Variants in ROPN1 observed in about 807,000 individuals in gnomAD.
The protein encoded by ROPN1 is rhophilin associated tail protein 1.
A neutral mutation model predicts 20.5 loss-of-function variants in ROPN1; 14 were observed. The observed-to-expected ratio is 0.68, with a 90% CI of 0.45 to 1.07. The LOEUF is 1.07. ROPN1 is among the 50% of genes least tolerant of loss of function. The pLI, the probability that ROPN1 is intolerant of heterozygous loss-of-function variation, is 0.00. For synonymous variants in ROPN1, 76 were observed against 95.7 expected (o/e 0.79, Z 1.20); for missense variants, 169 against 242.8 (o/e 0.70, Z 2.02).
intron 2 of ROPN1, chr3:123,979,915 C>G (rs959160585): frequency 2.8e-6 from 1 of 355,106 alleles, no homozygotes; most frequent in African/African-American, 2.1e-5. Flanking sequence ...TGGTCCCACC[C>G]CATCCACCCA....
In ROPN1 at chr3:123,980,475, G is replaced by A; in HGVS notation, c.7C>T (p.Gln3Ter). The A allele has an allele frequency of 6.2e-7, 1 of 1,614,104 alleles. No homozygotes were observed. Reference sequence around the variant, plus strand: ...GGGATGCATGTTGGCTTATCTGTCTGAGCCATTGATTGGTTGGCCTATTCT... The same window carrying A: ...GGGATGCATGTTGGCTTATCTGTCTAAGCCATTGATTGGTTGGCCTATTCT... MA[Q>*]TDKPTCIPPE... is the part of the protein sequence containing the mutation. Residue 3 changes from glutamine (Q) to a stop codon, truncating the protein, a stop_gained, in exon 2 of 6, where the codon CAG (glutamine) becomes TAG (stop). Transcript: ENST00000405845. LOFTEE classifies it high-confidence loss of function.
chr3:123,988,901 T>C (rs1577378177), intron 1 of ROPN1, among the ~76,000 whole-genome samples: 3 of 151,654 alleles, frequency 2.0e-5, no homozygotes, highest in Admixed American at 2.0e-4. Flanking sequence ...GCACTAGATA[T>C]AGAAGAACAG....
chr3:123,973,117 C>G (rs1018752909), intron 4 of ROPN1, among the ~76,000 whole-genome samples: 4 of 152,120 alleles, frequency 2.6e-5, no homozygotes, highest in African/African-American at 9.7e-5. Flanking sequence ...AAGGCCATCA[C>G]CTTGGAAGTT....
intron 2 of ROPN1, among the ~76,000 whole-genome samples, chr3:123,977,226 A>G (rs1180748583): frequency 6.6e-6 from 1 of 152,218 alleles, no homozygotes; most frequent in African/African-American, 2.4e-5. Context: ...AGGATGAGGA[A>G]GAACCAAGAA....
At chr3:123,969,701 A>AG (rs906628751) in intron 5 of ROPN1, among the ~76,000 whole-genome samples, 2 of 152,052 alleles carry the variant, frequency 1.3e-5, no homozygotes, top group African/African-American at 4.8e-5. Flanking sequence ...CAGAGTTACT[A>AG]GGGGGGCTTA....
At chr3:123,976,585 T>C (rs1577365946) in intron 3 of ROPN1, among the ~76,000 whole-genome samples, 1 of 152,224 alleles carries the variant, frequency 6.6e-6, no homozygotes, top group East Asian at 1.9e-4. Context: ...GACTTGCACT[T>C]TTCTGGAGAG....
At chr3:123,972,483 A>T (rs2037935569) in intron 4 of ROPN1, among the ~76,000 whole-genome samples, 1 of 152,248 alleles carries the variant, frequency 6.6e-6, no homozygotes, top group African/African-American at 2.4e-5. Context: ...TCCAGTGAAC[A>T]TGATTATTTT....
chr3:123,974,673 T>TA (rs950717396), intron 4 of ROPN1: 6 of 152,794 alleles, frequency 3.9e-5, no homozygotes, highest in African/African-American at 9.7e-5. Flanking sequence ...GGGATTCTTT[T>TA]AAAAAAACAC....
intron 1 of ROPN1, among the ~76,000 whole-genome samples, chr3:123,985,393 A>G (rs1445187555): frequency 6.6e-6 from 1 of 152,112 alleles, no homozygotes; most frequent in Non-Finnish European, 1.5e-5. Context: ...CTTTTGATTT[A>G]ATTTTCTCTT....
intron 5 of ROPN1, 29 bp from the exon 6 acceptor site, chr3:123,969,250 A>G (rs1409886281): frequency 7.2e-6 from 11 of 1,526,820 alleles, no homozygotes; most frequent in Non-Finnish European, 1.0e-5. Context: ...ATCTGCAGTT[A>G]GTTCATTGAC....
Position 123,976,921 on chromosome 3 carries a change from G to T in ROPN1, c.177C>A (p.Val59=), listed in dbSNP as rs1408872532. Residue 59 remains valine (V), a synonymous_variant, in exon 3 of 6, where the codon GTC becomes GTA. Coordinates refer to ENST00000405845, the MANE Select transcript of ROPN1 (RefSeq NM_001317774.2). ...TPPVRERSER[V]ALCNRAELTP... Reference sequence around the variant, plus strand: ...TTAGCTCTGCCCGGTTACACAAAGCGACTCGCTCAGACCGCTCTCTCACCG... The same window carrying T: ...TTAGCTCTGCCCGGTTACACAAAGCTACTCGCTCAGACCGCTCTCTCACCG... 1.9e-6 allele frequency: 3 copies of T among 1,614,032 alleles called. No homozygotes were observed. Among genetic ancestry groups the T allele is most frequent in the Non-Finnish European group, 8.5e-7 (1 of 1,180,036 alleles).
intron 1 of ROPN1, chr3:123,981,462 A>G (rs1471378215): frequency 2.0e-5 from 3 of 153,740 alleles, no homozygotes; most frequent in African/African-American, 4.8e-5. Context: ...TTAGGCTCAC[A>G]AAAGGCAAAT....
Position 123,969,114 on chromosome 3 carries a change from T to A in ROPN1, c.*41A>T, listed in dbSNP as rs557435982. 1.3e-6 allele frequency: 2 copies of A among 1,529,288 alleles called. No individual in the cohort carries two copies. Among genetic ancestry groups the A allele is most frequent in the South Asian group, 2.2e-5 (2 of 89,324 alleles). The allele number at this position is 1,529,288 out of a possible 1,614,324, so 94.7% of individuals were successfully genotyped here. On this transcript the variant is annotated 3_prime_UTR_variant, in exon 6 of 6. Transcript: ENST00000405845. ...GGGTTTCAGTCATTCTGAAGTACAA[T>A]CATCTCTGTATCTTCCTTTAAAATT...
intron 1 of ROPN1, among the ~76,000 whole-genome samples, chr3:123,983,529 G>C (rs2038193004): frequency 6.6e-6 from 1 of 152,288 alleles, no homozygotes; most frequent in South Asian, 2.1e-4. Context: ...AGTCAGTATA[G>C]AGCAAACTTA....
At chr3:123,983,243 T>A (rs868414504) in intron 1 of ROPN1, among the ~76,000 whole-genome samples, 3 of 152,218 alleles carry the variant, frequency 2.0e-5, no homozygotes, top group Admixed American at 2.0e-4. Context: ...TACAAATATG[T>A]GTTCAAGTCC....
At chr3:123,976,344 G>A (rs2038023469) in intron 3 of ROPN1, among the ~76,000 whole-genome samples, 1 of 152,132 alleles carries the variant, frequency 6.6e-6, no homozygotes, top group Non-Finnish European at 1.5e-5. Flanking sequence ...CATATGTCCT[G>A]GGAATTTGCC....
chr3:123,977,291 C>A (rs777778332), intron 2 of ROPN1, among the ~76,000 whole-genome samples: 14 of 152,192 alleles, frequency 9.2e-5, no homozygotes, highest in Non-Finnish European at 1.8e-4. Context: ...CTTTTTCAGT[C>A]ATCTCTGAGT....
intron 1 of ROPN1, among the ~76,000 whole-genome samples, chr3:123,985,992 CAAA>C (rs35677015): frequency 0.01 from 229 of 22,136 alleles, 5 homozygotes; most frequent in African/African-American, 0.019. Context: ...GACCTTGTCT[CAAA>C]AAAAAAAAAA....
chr3:123,971,947 A>T (rs1354512782), intron 4 of ROPN1, among the ~76,000 whole-genome samples: 1 of 152,220 alleles, frequency 6.6e-6, no homozygotes, highest in Admixed American at 6.5e-5. Flanking sequence ...GGGTGTCTTT[A>T]TAAGAAGAGG....
Sources: gnomAD v4.1 joint callset for allele counts (sites outside exome capture counted in the v4.1 genomes callset) on GRCh38, gnomAD v4.1.1 for gene constraint, MANE v1.5 for transcripts, NCBI Gene and HGNC (gene_info 2026-07-23, HGNC 2026-07-21) for gene names.